EMB: variants seen among roughly 807,000 people sequenced by gnomAD.
EMB encodes the protein embigin, also known as embigin homolog.
In EMB, 31 loss-of-function variants were observed where a neutral mutation model predicts 41.4. The ratio of observed to expected loss-of-function variants is 0.75; its 90% confidence interval spans 0.56 to 1.01. The LOEUF (loss-of-function observed/expected upper bound fraction) is 1.01, where lower values mean the gene tolerates loss of function less well. Ranked by LOEUF, EMB falls within the 50% of genes least tolerant of loss-of-function variation. The pLI is 0.00. For missense variants in EMB, 379 were observed against 388.3 expected, an observed-to-expected ratio of 0.98 and a Z score of 0.20; for synonymous variants, 137 against 140.4, an observed-to-expected ratio of 0.98 and a Z score of 0.17.
chr5:50,442,903 A>G (rs184166003), upstream of EMB: 1 of 152,024 alleles, frequency 6.6e-6, no homozygotes. Context: ...TTAAAGAAAC[A>G]TTTTTTTCAG....
Position 50,405,718 on chromosome 5 carries a change from A to T in EMB, c.600+7T>A. 4 of 1,576,244 alleles carry T rather than the reference A, an allele frequency of 2.5e-6. No homozygotes were observed. Among genetic ancestry groups the T allele is most frequent in the East Asian group, 2.3e-5 (1 of 43,806 alleles). On this transcript the variant is annotated splice_region_variant and intron_variant, in intron 5 of 8. Transcript: ENST00000303221. Reference sequence around the variant, plus strand: ...GTTGTTTTCTTCAAATCAAGGAACTATCTTACCTTTACACTCCCATTACTA... The same window carrying T: ...GTTGTTTTCTTCAAATCAAGGAACTTTCTTACCTTTACACTCCCATTACTA...
chr5:50,428,113 A>T, intron 2 of EMB, 31 bp downstream of exon 2: 1 of 1,501,032 alleles, frequency 6.7e-7, no homozygotes, highest in Non-Finnish European at 9.1e-7. Context: ...CTTTTTTTCG[A>T]ATTGCATTAT....
At chr5:50,425,488 T>C (rs1249937079) in intron 2 of EMB, among the ~76,000 whole-genome samples, 1 of 149,336 alleles carries the variant, frequency 6.7e-6, no homozygotes, top group Non-Finnish European at 1.5e-5. Context: ...AACACTAATA[T>C]GCAGAGAGGA....
At chr5:50,428,763 T>C (rs758086744) in intron 1 of EMB, 18 of 985,068 alleles carry the variant, frequency 1.8e-5, no homozygotes, top group Non-Finnish European at 2.2e-5. Context: ...CTCTAACACC[T>C]GACTTTCAGT....
rs1200865833 is a variant in EMB at position 50,428,488 on chromosome 5, C to T, written c.113-261G>A. On this transcript the variant is annotated intron_variant, in intron 1 of 8. Transcript: ENST00000303221. ...GATGGCTTTTTTTAAATAACGCCTTCCATTTTTATTCTACTATTATAGTTT... is the reference window on the plus strand; with the variant it reads ...GATGGCTTTTTTTAAATAACGCCTTTCATTTTTATTCTACTATTATAGTTT... The T allele has an allele frequency of 3.6e-6, 4 of 1,101,392 alleles. No individual in the cohort carries two copies. In the African/African-American group the frequency reaches 4.9e-5, roughly 14 times the overall value. 68.2% of individuals were successfully genotyped at this position (1,101,392 alleles called of 1,614,324 possible).
At position 50,403,133 on chromosome 5, in the gene EMB, T is replaced by C. The variant is rs568481474; in HGVS notation, c.877+45A>G. The C allele has an allele frequency of 1.1e-4, 160 of 1,498,178 alleles. No individual in the cohort carries two copies. The South Asian group carries it at 1.9e-3, about 18-fold the overall frequency. The allele number at this position is 1,498,178 out of a possible 1,614,324, so 92.8% of individuals were successfully genotyped here. A position where few individuals can be genotyped will look rare whatever the true frequency, so the allele number is the denominator to read the frequency against. On this transcript the variant is annotated intron_variant, in intron 6 of 8. Coordinates refer to ENST00000303221, the MANE Select transcript of EMB (RefSeq NM_198449.3). Reference sequence around the variant, plus strand: ...GTAAATGATACTTATAATTAACTGATAATACTTTCTAAAAAAAACAAAAAA... The same window carrying C: ...GTAAATGATACTTATAATTAACTGACAATACTTTCTAAAAAAAACAAAAAA...
chr5:50,411,560 A>C (rs1745338566), intron 2 of EMB, 177 bp from the exon 3 acceptor site: 1 of 480,474 alleles, frequency 2.1e-6, no homozygotes, highest in African/African-American at 2.0e-5. Context: ...TTTTATATGC[A>C]CACCTAAAGA....
intron 4 of EMB, among the ~76,000 whole-genome samples, chr5:50,406,208 T>A (rs1299484711): frequency 6.6e-6 from 1 of 151,834 alleles, no homozygotes; most frequent in Non-Finnish European, 1.5e-5. Context: ...TTAGAGTAAT[T>A]ATTTTCTTCA....
chr5:50,442,394 A>C (rs1259182870), upstream of EMB, among the ~76,000 whole-genome samples: 1 of 152,194 alleles, frequency 6.6e-6, no homozygotes, highest in Non-Finnish European at 1.5e-5. Context: ...TCAAATTGGC[A>C]GTGAGATAAT....
intron 1 of EMB, among the ~76,000 whole-genome samples, chr5:50,429,807 T>C (rs570707583): frequency 2.0e-5 from 3 of 152,254 alleles, no homozygotes; most frequent in African/African-American, 7.2e-5. Flanking sequence ...AAACCTTTCC[T>C]CCAGTCACAT....
intron 2 of EMB, among the ~76,000 whole-genome samples, chr5:50,424,462 CA>C (rs1267762090): frequency 6.6e-6 from 1 of 152,042 alleles, no homozygotes; most frequent in Non-Finnish European, 1.5e-5. Context: ...ATTTGAACAC[CA>C]GTAGGAGGGA....
chr5:50,434,468 C>T (rs989184196), intron 1 of EMB, among the ~76,000 whole-genome samples: 9 of 152,126 alleles, frequency 5.9e-5, no homozygotes, highest in African/African-American at 2.2e-4. Context: ...ATTTTGAGGA[C>T]TTTTTATGAA....
intron 4 of EMB, among the ~76,000 whole-genome samples, chr5:50,408,624 C>A (rs1745284925): frequency 6.6e-6 from 1 of 152,016 alleles, no homozygotes; most frequent in East Asian, 1.9e-4. Context: ...AAAAATTTAT[C>A]TTTGGTTCAA....
chr5:50,422,446 T>G (rs1402904400), intron 2 of EMB, among the ~76,000 whole-genome samples: 1 of 152,190 alleles, frequency 6.6e-6, no homozygotes, highest in Non-Finnish European at 1.5e-5. Context: ...TAAAACAATG[T>G]AACAGTAGAG....
chr5:50,440,756 A>G (rs1381742329), intron 1 of EMB, among the ~76,000 whole-genome samples: 1 of 151,708 alleles, frequency 6.6e-6, no homozygotes, highest in East Asian at 2.0e-4. Flanking sequence ...GAAAAACCAG[A>G]CTCTGCCCTG....
At chr5:50,408,837 TTAAA>T (rs1745287970) in intron 4 of EMB, among the ~76,000 whole-genome samples, 1 of 152,052 alleles carries the variant, frequency 6.6e-6, no homozygotes, top group Non-Finnish European at 1.5e-5. Flanking sequence ...ACAGATGTCT[TTAAA>T]TACTACTCAA....
upstream of EMB, chr5:50,443,156 C>T (rs1401598765): frequency 6.6e-6 from 1 of 152,018 alleles, no homozygotes; most frequent in Non-Finnish European, 1.5e-5. Context: ...TATTGACTGC[C>T]TTCCCTATAT....
chr5:50,429,968 T>TTCTCTCTCTCTCTTTCTC (rs1745686747), intron 1 of EMB, among the ~76,000 whole-genome samples: 1 of 62,078 alleles, frequency 1.6e-5, no homozygotes, highest in Non-Finnish European at 3.5e-5. Flanking sequence ...CCAACTCTCT[T>TTCTCTCTCTCTCTTTCTC]TCTCTCTCTC....
At chr5:50,436,766 A>T (rs1745810447) in intron 1 of EMB, among the ~76,000 whole-genome samples, 1 of 152,154 alleles carries the variant, frequency 6.6e-6, no homozygotes, top group Non-Finnish European at 1.5e-5. Context: ...GGCTCCACCC[A>T]CTTAGTGAGG....
Sources: allele counts gnomAD v4.1 joint callset (sites outside exome capture counted in the v4.1 genomes callset), GRCh38; gene constraint gnomAD v4.1.1; transcripts MANE v1.5; gene names NCBI Gene and HGNC (gene_info 2026-07-23, HGNC 2026-07-21).